The following PDE3B variants were observed in gnomAD, a reference collection of about 807,000 sequenced individuals.
PDE3B encodes cGMP-inhibited 3',5'-cyclic phosphodiesterase 3B.
Under a neutral mutation model 116.8 loss-of-function variants are expected in PDE3B, and 66 were observed. The ratio of observed to expected loss-of-function variants is 0.56; its 90% CI spans 0.46 to 0.69. The LOEUF is 0.69. Ranked by LOEUF, PDE3B falls within the 30% of genes least tolerant of loss-of-function variation. PDE3B has a pLI of 0.00. For missense variants in PDE3B, 1,384 were observed against 1,368.1 expected (o/e 1.01, Z -0.18); for synonymous variants, 595 against 533.6 (o/e 1.12, Z -1.59).
intron 1 of PDE3B, among the ~76,000 whole-genome samples, chr11:14,661,138 A>G (rs978402159): frequency 3.0e-4 from 45 of 152,228 alleles, no homozygotes; most frequent in Non-Finnish European, 1.3e-4. Context: ...AGAACTAGAA[A>G]TACCATTTGA....
At chr11:14,885,976 A>G in the PDE3B span, 29 of 1,539,100 alleles carry the variant, frequency 1.9e-5, no homozygotes, top group East Asian at 4.1e-4. Flanking sequence ...AAATATAACC[A>G]TGGAAATCTA....
intron 1 of PDE3B, among the ~76,000 whole-genome samples, chr11:14,706,633 G>A (rs1855543188): frequency 6.6e-6 from 1 of 151,878 alleles, no homozygotes; most frequent in South Asian, 2.1e-4. Flanking sequence ...GCAATATAAT[G>A]TATTTTAAAG....
chr11:14,743,400 C>A (rs1441869204), intron 1 of PDE3B, among the ~76,000 whole-genome samples: 2 of 152,160 alleles, frequency 1.3e-5, no homozygotes, highest in Non-Finnish European at 2.9e-5. Context: ...TAATGGCAGA[C>A]ACCCCTTCCC....
intron 1 of PDE3B, among the ~76,000 whole-genome samples, chr11:14,660,343 C>T (rs1853857648): frequency 6.6e-6 from 1 of 151,166 alleles, no homozygotes; most frequent in African/African-American, 2.4e-5. Context: ...GCCCTGTTGC[C>T]CAGGCTGGAG....
intron 3 of PDE3B, among the ~76,000 whole-genome samples, chr11:14,787,156 G>A (rs1373388572): frequency 6.6e-6 from 1 of 151,738 alleles, no homozygotes; most frequent in Non-Finnish European, 1.5e-5. Context: ...GAAGATTACT[G>A]TAGCCCAGTA....
chr11:14,830,044 A>G (rs955202075), intron 7 of PDE3B, among the ~76,000 whole-genome samples: 1 of 152,094 alleles, frequency 6.6e-6, no homozygotes, highest in South Asian at 2.1e-4. Context: ...AGTACCATCC[A>G]TATTGTAGTT....
intron 1 of PDE3B, among the ~76,000 whole-genome samples, chr11:14,703,475 CAG>C (rs1278231174): frequency 6.6e-6 from 1 of 151,300 alleles, no homozygotes; most frequent in East Asian, 1.9e-4. Flanking sequence ...TGTCACCACT[CAG>C]TGATATCAAG....
chr11:14,682,261 G>C (rs1312649490), intron 1 of PDE3B, among the ~76,000 whole-genome samples: 2 of 152,000 alleles, frequency 1.3e-5, no homozygotes, highest in Non-Finnish European at 2.9e-5. Context: ...TGTGTTCAAG[G>C]GTCGACTGTA....
chr11:14,850,590 T>A (rs1448010142), intron 12 of PDE3B, among the ~76,000 whole-genome samples: 1 of 152,186 alleles, frequency 6.6e-6, no homozygotes, highest in African/African-American at 2.4e-5. Context: ...TTTTTGTTGT[T>A]CTCTTTTTTC....
At chr11:14,693,394 A>G (rs1256915723) in intron 1 of PDE3B, among the ~76,000 whole-genome samples, 2 of 152,224 alleles carry the variant, frequency 1.3e-5, no homozygotes, top group African/African-American at 4.8e-5. Context: ...AGGACTTTCT[A>G]GCTAGAGAGA....
intron 1 of PDE3B, among the ~76,000 whole-genome samples, chr11:14,715,700 C>G (rs1855857641): frequency 6.6e-6 from 1 of 152,178 alleles, no homozygotes; most frequent in Admixed American, 6.5e-5. Flanking sequence ...ATGTTATCTG[C>G]AAACAGAGAC....
rs560696705 is a variant in PDE3B at position 14,743,633 on chromosome 11, C to T, written c.979-28304C>T. Among the ~76,000 whole-genome samples the T allele has an allele frequency of 9.8e-5, 15 of 152,322 alleles. 1 individual carries two copies. In the South Asian group the frequency reaches 1.0e-3, roughly 11 times the overall value. On this transcript the variant is annotated intron_variant, in intron 1 of 15. Transcript: ENST00000282096. ...TGAAAAGAAACTCCTGCAGCTAGCT[C>T]GGTGTCTGCCCAAATGGCTGCCCAG...
intron 4 of PDE3B, among the ~76,000 whole-genome samples, chr11:14,800,332 G>C (rs1042210869): frequency 6.6e-6 from 1 of 152,128 alleles, no homozygotes; most frequent in Admixed American, 6.5e-5. Flanking sequence ...GGGCGTGGTG[G>C]TGCGCGCCTG....
At chr11:14,655,648 C>T (rs1853698030) in intron 1 of PDE3B, among the ~76,000 whole-genome samples, 1 of 152,006 alleles carries the variant, frequency 6.6e-6, no homozygotes, top group South Asian at 2.1e-4. Flanking sequence ...CAGTCGAGCA[C>T]CTCATTGTGG....
intron 1 of PDE3B, among the ~76,000 whole-genome samples, chr11:14,747,685 ATG>A (rs1856951067): frequency 6.6e-6 from 1 of 152,124 alleles, no homozygotes; most frequent in South Asian, 2.1e-4. Context: ...TGATGGTGGG[ATG>A]TGTGTGTATT....
chr11:14,829,544 G>GATT (rs1859805284), intron 7 of PDE3B, among the ~76,000 whole-genome samples: 1 of 152,066 alleles, frequency 6.6e-6, no homozygotes, highest in East Asian at 1.9e-4. Flanking sequence ...AAAAGACTGA[G>GATT]GTAATGTTTT....
At chr11:14,663,760 A>G (rs1488660714) in intron 1 of PDE3B, among the ~76,000 whole-genome samples, 1 of 152,226 alleles carries the variant, frequency 6.6e-6, no homozygotes, top group Admixed American at 6.5e-5. Flanking sequence ...GAGCACCCAG[A>G]TTCAGAAAGC....
At chr11:14,694,179 C>A (rs1366034571) in intron 1 of PDE3B, among the ~76,000 whole-genome samples, 1 of 152,104 alleles carries the variant, frequency 6.6e-6, no homozygotes, top group Non-Finnish European at 1.5e-5. Flanking sequence ...AAAGTGGATT[C>A]TTGAGATGGA....
intron 7 of PDE3B, among the ~76,000 whole-genome samples, chr11:14,823,628 G>A (rs114052710): frequency 0.013 from 2,047 of 151,828 alleles, 43 homozygotes; most frequent in African/African-American, 0.047. Context: ...CTGACCAGCA[G>A]CAGTTTCAAA....
Sources: allele counts gnomAD v4.1 joint callset (sites outside exome capture counted in the v4.1 genomes callset), GRCh38; gene constraint gnomAD v4.1.1; transcripts MANE v1.5; gene names NCBI Gene and HGNC (gene_info 2026-07-23, HGNC 2026-07-21).